The following PCDHGB2 variants were observed in gnomAD, a reference collection of about 807,000 sequenced individuals.
The protein encoded by PCDHGB2 is protocadherin gamma-B2.
Under a neutral mutation model 59.3 loss-of-function variants are expected in PCDHGB2, and 55 were observed. The observed-to-expected ratio is 0.93, with a 90% CI of 0.75 to 1.16. The LOEUF (loss-of-function observed/expected upper bound fraction) is 1.16, where lower values mean the gene tolerates loss of function less well. PCDHGB2 is among the 50% of genes most tolerant of loss of function. The pLI, the probability that PCDHGB2 is intolerant of heterozygous loss-of-function variation, is 0.00. For synonymous variants in PCDHGB2, 516 were observed against 512.0 expected (o/e 1.01, Z -0.11); for missense variants, 1,228 against 1,198.5 (o/e 1.02, Z -0.36).
In PCDHGB2 at chr5:141,477,074, A is replaced by G; in HGVS notation, c.2422-17733A>G. Reference sequence around the variant, plus strand: ...CTTCGAGGACACCAAACTCCATGAGATTTACATCCAGGCCAAAGACAAGGG... The same window carrying G: ...CTTCGAGGACACCAAACTCCATGAGGTTTACATCCAGGCCAAAGACAAGGG... On this transcript the variant is annotated intron_variant, in intron 1 of 3. Coordinates refer to ENST00000522605, the MANE Select transcript of PCDHGB2 (RefSeq NM_018923.3). This position sits in a 1 kb window ranked among gnomAD's most constrained non-coding sequence, Gnocchi z 4.9. 1 of 1,614,250 alleles carries G rather than the reference A, an allele frequency of 6.2e-7. No homozygotes were observed.
At chr5:141,364,873 T>A (rs1002059027) in intron 1 of PCDHGB2, 1 of 1,613,852 alleles carries the variant, frequency 6.2e-7, no homozygotes, top group Non-Finnish European at 8.5e-7. Flanking sequence ...TCTCTCTGGA[T>A]GTGGTAAGCG....
At chr5:141,462,584 A>C (rs959398950) in intron 1 of PCDHGB2, among the ~76,000 whole-genome samples, 1 of 152,124 alleles carries the variant, frequency 6.6e-6, no homozygotes, top group African/African-American at 2.4e-5. Context: ...CATCCAGTGA[A>C]GTTTCCATTT....
chr5:141,456,700 C>G (rs1420857227), intron 1 of PCDHGB2, among the ~76,000 whole-genome samples: 2 of 152,060 alleles, frequency 1.3e-5, no homozygotes, highest in Admixed American at 1.3e-4. Flanking sequence ...CGTGGTGGCT[C>G]GCGCCTGTAA....
chr5:141,434,401 T>C (rs1036239430), intron 1 of PCDHGB2, among the ~76,000 whole-genome samples: 2 of 152,242 alleles, frequency 1.3e-5, no homozygotes. Context: ...ACAAAATCTC[T>C]GCAGCACTGT....
chr5:141,497,540 CTTT>C (rs754207034), intron 2 of PCDHGB2, among the ~76,000 whole-genome samples: 11 of 134,886 alleles, frequency 8.2e-5, no homozygotes, highest in African/African-American at 1.9e-4. Context: ...TGCAACAAAC[CTTT>C]TTTTTTTTTT....
rs2099748976 is a variant in PCDHGB2, at chr5:141,493,566, C to G, written c.2422-1241C>G. Among the ~76,000 whole-genome samples, 1 of 152,168 alleles carries G rather than the reference C, an allele frequency of 6.6e-6. No individual in the cohort carries two copies. Among genetic ancestry groups the G allele is most frequent in the African/African-American group, 2.4e-5 (1 of 41,436 alleles). ...TTTTGGAGATTGAGTTCCCCCAGCT[C>G]CGTTTCCTCCTATCACAATCACTGC... is the stretch of plus-strand genomic sequence containing the variant. On this transcript the variant is annotated intron_variant, in intron 1 of 3. Transcript: ENST00000522605. The surrounding 1 kb of genome is among the most constrained non-coding windows in gnomAD (Gnocchi z 4.3).
chr5:141,469,049 G>A (rs916327969), intron 1 of PCDHGB2, among the ~76,000 whole-genome samples: 3 of 152,054 alleles, frequency 2.0e-5, no homozygotes, highest in African/African-American at 2.4e-5. Context: ...GGCCAAGGTG[G>A]GAGGATTGCT....
intron 1 of PCDHGB2, among the ~76,000 whole-genome samples, chr5:141,407,512 T>C (rs910710605): frequency 6.6e-6 from 1 of 152,192 alleles, no homozygotes; most frequent in East Asian, 1.9e-4. Context: ...TCTTAGGCTA[T>C]GTAGGACTTA....
rs1484817682 is a variant in PCDHGB2 at position 141,360,390 on chromosome 5, T to C, written c.255T>C (p.Leu85=). ...TAAACCCAGAAAGCGGAGACTTACT[T>C]GTGAGTGACAGAATAGACCGAGAAC... The part of the protein sequence containing the change: ...FTVNPESGDL[L]VSDRIDREQI... The change falls in exon 1 of 4, where the codon CTT becomes CTC. Residue 85 remains leucine, a synonymous_variant. Coordinates refer to ENST00000522605, the MANE Select transcript of PCDHGB2 (RefSeq NM_018923.3). 2 of 1,613,882 alleles carry C rather than the reference T, an allele frequency of 1.2e-6. No homozygotes were observed. The highest frequency in any genetic ancestry group is 1.7e-6 in the Non-Finnish European group (2 of 1,179,816).
At chr5:141,452,065 T>A (rs185791618) in intron 1 of PCDHGB2, among the ~76,000 whole-genome samples, 1 of 152,332 alleles carries the variant, frequency 6.6e-6, no homozygotes, top group Non-Finnish European at 1.5e-5. Flanking sequence ...TTATTCTACT[T>A]TTATTAGTTG....
intron 1 of PCDHGB2, among the ~76,000 whole-genome samples, chr5:141,467,055 C>CTTT (rs1193465269): frequency 2.2e-5 from 3 of 134,494 alleles, no homozygotes; most frequent in Admixed American, 7.5e-5. Context: ...TCAATGTTTT[C>CTTT]TTTTTTTTTT....
rs992843398 is a variant in PCDHGB2 at position 141,374,547 on chromosome 5, T to C, written c.2421+11991T>C. On this transcript the variant is annotated intron_variant, in intron 1 of 3. Transcript: ENST00000522605. ...GCTCCATCCTCTCGTTTTCCACTAA[T>C]GGAGGTCTATGACCCTGATGTGGGA... 2.5e-6 allele frequency: 4 copies of C among 1,613,438 alleles called. No homozygotes were observed. The highest frequency in any genetic ancestry group is 1.7e-5 in the Admixed American group (1 of 60,028).
In PCDHGB2 at chr5:141,414,483, A is replaced by G. The variant is rs756254490; in HGVS notation, c.2421+51927A>G. 20 of 1,613,826 alleles carry G rather than the reference A, an allele frequency of 1.2e-5. No homozygotes were observed. In the Admixed American group the frequency reaches 1.8e-4, roughly 15 times the overall value. ...CCACAGATGGGGGAAGTCCTCCTCT[A>G]TCAACGGAAGCTCACTTTATGCTAC... On this transcript the variant is annotated intron_variant, in intron 1 of 3. Transcript: ENST00000522605.
chr5:141,414,638 A>C lies in PCDHGB2; in HGVS notation c.2421+52082A>C, dbSNP rs539861509. The C allele has an allele frequency of 7.8e-5, 126 of 1,613,988 alleles. 1 individual carries two copies. In the South Asian group the frequency reaches 1.3e-3, roughly 17 times the overall value. ...GCGCTGGACCCGGACAGCAAAGAGA[A>C]TGCCCAGATTATTTACTCCCTGGCT... On this transcript the variant is annotated intron_variant, in intron 1 of 3. Coordinates refer to ENST00000522605, the MANE Select transcript of PCDHGB2 (RefSeq NM_018923.3).
At chr5:141,404,776 A>C in intron 1 of PCDHGB2, 1 of 1,613,070 alleles carries the variant, frequency 6.2e-7, no homozygotes, top group Non-Finnish European at 8.5e-7. Context: ...CCTACCGCCT[A>C]TTCAAGGCCA....
chr5:141,494,807 C>A lies in PCDHGB2; in HGVS notation c.2422C>A (p.Gln808Lys), dbSNP rs568448786. Residue 808 changes from glutamine to lysine, a missense_variant and splice_region_variant, in exon 2 of 4, where the codon CAA (glutamine) becomes AAA (lysine). Coordinates refer to ENST00000522605, the MANE Select transcript of PCDHGB2 (RefSeq NM_018923.3). ...CCCTTTCCCTCTGTTTTCTCCACAGCAAGCCCCGCCCAACACGGACTGGCG... is the reference window on the plus strand; with the variant it reads ...CCCTTTCCCTCTGTTTTCTCCACAGAAAGCCCCGCCCAACACGGACTGGCG... ...VPFASDTILK[Q>K]APPNTDWRFS... The A allele has an allele frequency of 2.5e-5, 40 of 1,614,144 alleles. No individual in the cohort carries two copies. The South Asian group carries it at 4.0e-4, about 16-fold the overall frequency.
intron 1 of PCDHGB2, chr5:141,366,619 G>T (rs769993265): frequency 6.2e-7 from 1 of 1,614,222 alleles, no homozygotes; most frequent in Non-Finnish European, 8.5e-7. Flanking sequence ...CCGCGGACTC[G>T]AGGAAGAGTC....
intron 1 of PCDHGB2, chr5:141,440,723 T>C (rs2098196558): frequency 6.6e-6 from 1 of 152,178 alleles, no homozygotes; most frequent in Non-Finnish European, 1.5e-5. Flanking sequence ...GTTGATCCTG[T>C]GTTAGAGAAG....
intron 1 of PCDHGB2, chr5:141,365,896 T>A: frequency 6.2e-6 from 10 of 1,614,212 alleles, no homozygotes; most frequent in Non-Finnish European, 8.5e-6. Flanking sequence ...CCTTCGACTA[T>A]GAGCAGTTGA....
Sources: gnomAD v4.1 joint callset for allele counts (sites outside exome capture counted in the v4.1 genomes callset) on GRCh38, gnomAD v4.1.1 for gene constraint, Gnocchi (gnomAD v3.1) non-coding constraint, MANE v1.5 for transcripts, NCBI Gene and HGNC (gene_info 2026-07-23, HGNC 2026-07-21) for gene names.